NWD2: variants seen among roughly 807,000 people sequenced by gnomAD.
NWD2 encodes NACHT and WD repeat domain-containing protein 2.
In NWD2, 37 loss-of-function variants were observed where a neutral mutation model predicts 132.7. The ratio of observed to expected loss-of-function variants is 0.28; its 90% CI spans 0.21 to 0.37. NWD2 has a LOEUF of 0.37. Ranked by LOEUF, NWD2 falls within the 10% of genes least tolerant of loss-of-function variation. NWD2 has a pLI of 1.00. For missense variants in NWD2, 1,592 were observed against 2,122.4 expected, an observed-to-expected ratio of 0.75 and a Z score of 4.91; for synonymous variants, 705 against 803.0, an observed-to-expected ratio of 0.88 and a Z score of 2.06.
chr4:37,245,044 A>T lies in NWD2; in HGVS notation c.-24A>T, dbSNP rs1292311926. 1 of 1,541,184 alleles carries T rather than the reference A, an allele frequency of 6.5e-7. No homozygotes were observed. On this transcript the variant is annotated 5_prime_UTR_variant, in exon 1 of 7. Transcript: ENST00000309447. ...AGGAGCAGGAGGTGGCGGCGGCGGC[A>T]GTGGCTGTTCCTCCCAGAGGGCGAT...
chr4:37,369,325 A>G (rs545509796), intron 3 of NWD2, among the ~76,000 whole-genome samples: 1 of 152,286 alleles, frequency 6.6e-6, no homozygotes, highest in East Asian at 1.9e-4. Context: ...ACATGGATAT[A>G]CTGCCTAATG....
rs1327657116 is a variant in NWD2 at position 37,448,068 on chromosome 4, T to C, written c.*851T>C. Reference sequence around the variant, plus strand: ...TCAAAACACCTGTCCATTTCCATCATTGTACTAACAGAAGTCTGTACTATT... The same window carrying C: ...TCAAAACACCTGTCCATTTCCATCACTGTACTAACAGAAGTCTGTACTATT... On this transcript the variant is annotated 3_prime_UTR_variant, in exon 7 of 7. Transcript: ENST00000309447. 1.3e-5 allele frequency: 2 copies of C among 152,236 alleles called. No homozygotes were observed. The highest frequency in any genetic ancestry group is 2.9e-5 in the Non-Finnish European group (2 of 68,032). 9.4% of individuals were successfully genotyped at this position (152,236 alleles called of 1,614,324 possible).
At chr4:37,404,975 A>G (rs190277883) in intron 3 of NWD2, among the ~76,000 whole-genome samples, 1 of 152,296 alleles carries the variant, frequency 6.6e-6, no homozygotes, top group East Asian at 1.9e-4. Flanking sequence ...AGGCCCCATC[A>G]CCAATACTGG....
intron 1 of NWD2, among the ~76,000 whole-genome samples, chr4:37,278,600 G>GCAGTA (rs1412606401): frequency 2.0e-5 from 3 of 152,188 alleles, no homozygotes; most frequent in African/African-American, 7.2e-5. Context: ...TATCAGGAAA[G>GCAGTA]CAGTACTTGA....
intron 1 of NWD2, among the ~76,000 whole-genome samples, chr4:37,289,818 C>T (rs1718321956): frequency 6.6e-6 from 1 of 152,176 alleles, no homozygotes. Context: ...ACTCCTCACC[C>T]CTAGAGGCAA....
chr4:37,277,375 T>A (rs1256776625), intron 1 of NWD2, among the ~76,000 whole-genome samples: 1 of 152,104 alleles, frequency 6.6e-6, no homozygotes, highest in East Asian at 1.9e-4. Context: ...CTGCCTTTTT[T>A]TCTCTTCTTC....
chr4:37,336,080 A>AT (rs934793954), intron 2 of NWD2, among the ~76,000 whole-genome samples: 1 of 151,648 alleles, frequency 6.6e-6, no homozygotes, highest in African/African-American at 2.4e-5. Flanking sequence ...AAATGTTTTT[A>AT]TTTTTTTTCT....
chr4:37,387,443 G>A (rs1372366293), intron 3 of NWD2, among the ~76,000 whole-genome samples: 1 of 151,814 alleles, frequency 6.6e-6, no homozygotes, highest in African/African-American at 2.4e-5. Context: ...ATTGGATGTG[G>A]CAATCTTAGA....
At chr4:37,376,396 A>G (rs1426099822) in intron 3 of NWD2, among the ~76,000 whole-genome samples, 2 of 152,224 alleles carry the variant, frequency 1.3e-5, no homozygotes, top group African/African-American at 4.8e-5. Flanking sequence ...ATATTTTTAT[A>G]TATGTATCAG....
chr4:37,374,542 T>C (rs1229470136), intron 3 of NWD2, among the ~76,000 whole-genome samples: 1 of 151,968 alleles, frequency 6.6e-6, no homozygotes, highest in African/African-American at 2.4e-5. Flanking sequence ...CAGAAAGATA[T>C]GGAAAAAGGA....
At chr4:37,428,827 G>T (rs1209174158) in intron 3 of NWD2, among the ~76,000 whole-genome samples, 1 of 152,188 alleles carries the variant, frequency 6.6e-6, no homozygotes, top group African/African-American at 2.4e-5. Flanking sequence ...TGCCTTCCAG[G>T]TTAAAGCGAT....
intron 3 of NWD2, among the ~76,000 whole-genome samples, chr4:37,361,771 A>G (rs1231910729): frequency 1.3e-5 from 2 of 152,172 alleles, no homozygotes; most frequent in African/African-American, 4.8e-5. Context: ...AGAACATAAG[A>G]ATACCCACTC....
At chr4:37,303,219 T>C (rs996117671) in intron 1 of NWD2, among the ~76,000 whole-genome samples, 23 of 152,186 alleles carry the variant, frequency 1.5e-4, no homozygotes, top group African/African-American at 5.1e-4. Flanking sequence ...TCTTTCCCCA[T>C]TGTATGTTCT....
chr4:37,370,918 C>T (rs1451468913), intron 3 of NWD2, among the ~76,000 whole-genome samples: 4 of 151,910 alleles, frequency 2.6e-5, no homozygotes, highest in Non-Finnish European at 5.9e-5. Context: ...AATGTGGGAG[C>T]TTATACAGTA....
In NWD2 at chr4:37,297,084, C is replaced by A. The variant is rs1028432853; in HGVS notation, c.152-28852C>A. Among the ~76,000 whole-genome samples the A allele has an allele frequency of 2.6e-5, 4 of 152,150 alleles. No homozygotes were observed. The South Asian group carries it at 8.3e-4, about 32-fold the overall frequency. On this transcript the variant is annotated intron_variant, in intron 1 of 6. Transcript: ENST00000309447. Reference sequence around the variant, plus strand: ...ATTTTACCACATTTGCTTTATCCCCCACTCCTCTGTGTGTGTGTATATCAC... The same window carrying A: ...ATTTTACCACATTTGCTTTATCCCCAACTCCTCTGTGTGTGTGTATATCAC...
intron 3 of NWD2, among the ~76,000 whole-genome samples, chr4:37,429,689 G>T (rs1484320492): frequency 2.0e-5 from 3 of 152,140 alleles, no homozygotes; most frequent in Non-Finnish European, 4.4e-5. Flanking sequence ...ATCTTTCTAA[G>T]TCAATATAGT....
intron 2 of NWD2, among the ~76,000 whole-genome samples, chr4:37,349,215 G>C (rs2109298071): frequency 6.6e-6 from 1 of 152,232 alleles, no homozygotes; most frequent in South Asian, 2.1e-4. Context: ...GGATCACTGG[G>C]TCAAATGGTA....
At chr4:37,429,988 T>A (rs1021529120) in intron 3 of NWD2, among the ~76,000 whole-genome samples, 2 of 152,214 alleles carry the variant, frequency 1.3e-5, no homozygotes, top group Non-Finnish European at 2.9e-5. Context: ...TGAGTACATA[T>A]TTGTTCATTG....
chr4:37,355,748 C>G (rs762417707), intron 2 of NWD2, among the ~76,000 whole-genome samples: 5 of 152,106 alleles, frequency 3.3e-5, no homozygotes, highest in Non-Finnish European at 7.4e-5. Flanking sequence ...GATAGAGGAT[C>G]CTATTATCCT....
Sources: gnomAD v4.1 joint callset for allele counts (sites outside exome capture counted in the v4.1 genomes callset) on GRCh38, gnomAD v4.1.1 for gene constraint, MANE v1.5 for transcripts, NCBI Gene and HGNC (gene_info 2026-07-23, HGNC 2026-07-21) for gene names.